Variants in GRIP1 observed in about 807,000 individuals in gnomAD.
GRIP1 encodes glutamate receptor-interacting protein 1.
In GRIP1, 45 loss-of-function variants were observed where a neutral mutation model predicts 129.9. That is an observed-to-expected ratio of 0.35 (90% CI 0.27 to 0.44). The LOEUF (loss-of-function observed/expected upper bound fraction) is 0.44. Ranked by LOEUF, GRIP1 falls within the 20% of genes least tolerant of loss-of-function variation. GRIP1 has a pLI of 1.00. For synonymous variants in GRIP1, 530 were observed against 520.8 expected, an observed-to-expected ratio of 1.02 and a Z score of -0.24; for missense variants, 1,196 against 1,396.8, an observed-to-expected ratio of 0.86 and a Z score of 2.29.
At chr12:66,726,031 T>G (rs1256877761) in intron 1 of GRIP1, among the ~76,000 whole-genome samples, 1 of 152,224 alleles carries the variant, frequency 6.6e-6, no homozygotes, top group African/African-American at 2.4e-5. Flanking sequence ...ATGCCATCTC[T>G]ATCTCCTAGC....
At chr12:67,031,414 G>C (rs1311255746) in intron 1 of GRIP1, among the ~76,000 whole-genome samples, 1 of 151,944 alleles carries the variant, frequency 6.6e-6, no homozygotes, top group East Asian at 1.9e-4. Flanking sequence ...CACACCTAAG[G>C]GCATATCCTG....
intron 1 of GRIP1, among the ~76,000 whole-genome samples, chr12:66,872,891 A>C (rs1314967837): frequency 1.3e-5 from 2 of 152,122 alleles, no homozygotes; most frequent in East Asian, 3.9e-4. Flanking sequence ...ATTGGATGGG[A>C]CACAGAGGAC....
At chr12:67,054,126 TG>T (rs2043393318) in intron 1 of GRIP1, among the ~76,000 whole-genome samples, 1 of 152,258 alleles carries the variant, frequency 6.6e-6, no homozygotes, top group Admixed American at 6.5e-5. Flanking sequence ...AAATTGTTCC[TG>T]ATTCTTCTTC....
chr12:66,749,373 A>G (rs896578095), intron 1 of GRIP1, among the ~76,000 whole-genome samples: 1 of 152,072 alleles, frequency 6.6e-6, no homozygotes, highest in Non-Finnish European at 1.5e-5. Context: ...AATGGCCCCT[A>G]CCTTATTCAC....
intron 1 of GRIP1, among the ~76,000 whole-genome samples, chr12:66,625,714 G>A (rs1314608942): frequency 1.3e-5 from 2 of 152,098 alleles, no homozygotes; most frequent in Non-Finnish European, 2.9e-5. Context: ...ATTTTAAATG[G>A]AGCTTCCAAA....
At position 66,527,857 on chromosome 12, in the gene GRIP1, G is replaced by T. The variant is rs187813194; in HGVS notation, c.502+1974C>A. On this transcript the variant is annotated intron_variant, in intron 5 of 24. Coordinates refer to ENST00000359742, the MANE Select transcript of GRIP1 (RefSeq NM_001366722.1). ...GGAGGAGGATGAGGATTGAAAAACT[G>T]ATTGAGTATGATGATGATTACTTGG... 4.1e-3 allele frequency among the ~76,000 whole-genome samples: 622 copies of T among 152,056 alleles called. 4 individuals carry two copies. Among genetic ancestry groups the T allele is most frequent in the African/African-American group, 0.014 (593 of 41,488 alleles).
chr12:66,884,701 CACAA>C (rs1363226888), intron 1 of GRIP1, among the ~76,000 whole-genome samples: 1 of 152,098 alleles, frequency 6.6e-6, no homozygotes, highest in South Asian at 2.1e-4. Flanking sequence ...AATGATTACC[CACAA>C]ACAATTTCTT....
chr12:66,709,777 CA>C (rs2035655042), intron 1 of GRIP1, among the ~76,000 whole-genome samples: 1 of 151,942 alleles, frequency 6.6e-6, no homozygotes, highest in African/African-American at 2.4e-5. Context: ...AGCACAAGTG[CA>C]GGAGCAAAAG....
At chr12:66,616,396 T>C (rs941542431) in intron 1 of GRIP1, among the ~76,000 whole-genome samples, 4 of 152,176 alleles carry the variant, frequency 2.6e-5, no homozygotes, top group African/African-American at 9.7e-5. Context: ...TTAGTCTTAG[T>C]GCACTAGAGC....
At position 66,778,757 on chromosome 12, in the gene GRIP1, A is replaced by G. The variant is rs1318397074; in HGVS notation, c.-420+25296T>C. On this transcript the variant is annotated intron_variant, in intron 1 of 4. Coordinates refer to the GRIP1 transcript ENST00000538373. ...AGGTGCTCCAATCTATGACATTTCT[A>G]TATGTAAACAGTCTGATATATTCGA... Among the ~76,000 whole-genome samples the G allele has an allele frequency of 2.0e-5, 3 of 152,228 alleles. No homozygotes were observed. In the East Asian group the frequency reaches 5.8e-4, roughly 29 times the overall value.
chr12:66,689,320 C>T (rs1254501936), intron 1 of GRIP1, among the ~76,000 whole-genome samples: 1 of 152,120 alleles, frequency 6.6e-6, no homozygotes. Flanking sequence ...CAAGGGGGAG[C>T]CGAAGTCCAG....
intron 1 of GRIP1, among the ~76,000 whole-genome samples, chr12:66,907,571 G>A (rs2040954875): frequency 6.6e-6 from 1 of 151,188 alleles, no homozygotes; most frequent in Non-Finnish European, 1.5e-5. Context: ...CCAGGGGTTA[G>A]TGTCAGGTAA....
chr12:66,897,284 C>CCCTA, intron 1 of GRIP1, among the ~76,000 whole-genome samples: 1 of 152,094 alleles, frequency 6.6e-6, no homozygotes, highest in African/African-American at 2.4e-5. Context: ...AGCCCTGCCC[C>CCCTA]AAGAGCTAAG....
intron 2 of GRIP1, among the ~76,000 whole-genome samples, chr12:66,553,692 T>C (rs1033961775): frequency 9.2e-5 from 14 of 151,998 alleles, no homozygotes; most frequent in African/African-American, 3.4e-4. Context: ...GAATTGCCGA[T>C]GCCACCCCTT....
At chr12:66,680,272 T>C (rs561950190), upstream of GRIP1, among the ~76,000 whole-genome samples, 72 of 152,328 alleles carry the variant, frequency 4.7e-4, no homozygotes, top group African/African-American at 1.7e-3. Context: ...CCAAATTTAG[T>C]GGTAAAACTT....
intron 1 of GRIP1, among the ~76,000 whole-genome samples, chr12:66,618,027 C>G (rs1037490519): frequency 2.6e-5 from 4 of 152,086 alleles, no homozygotes; most frequent in African/African-American, 9.7e-5. Flanking sequence ...ATTTATCTTA[C>G]AGATATGTCT....
chr12:66,968,845 G>C (rs2042033842), intron 1 of GRIP1, among the ~76,000 whole-genome samples: 1 of 152,012 alleles, frequency 6.6e-6, no homozygotes, highest in African/African-American at 2.4e-5. Context: ...CTAAGTTGCT[G>C]AACTATCATT....
chr12:66,749,749 C>T (rs1163432646), intron 1 of GRIP1, among the ~76,000 whole-genome samples: 1 of 152,112 alleles, frequency 6.6e-6, no homozygotes, highest in Non-Finnish European at 1.5e-5. Flanking sequence ...CCCTTTTACC[C>T]ATCCTGCTGG....
intron 1 of GRIP1, among the ~76,000 whole-genome samples, chr12:66,767,193 G>C (rs2037667369): frequency 6.6e-6 from 1 of 152,040 alleles, no homozygotes; most frequent in South Asian, 2.1e-4. Context: ...ATTTACTTTG[G>C]AAACTCAGTT....
Sources: gnomAD v4.1 joint callset for allele counts (sites outside exome capture counted in the v4.1 genomes callset) on GRCh38, gnomAD v4.1.1 for gene constraint, MANE v1.5 for transcripts, NCBI Gene and HGNC (gene_info 2026-07-23, HGNC 2026-07-21) for gene names.